The following ANKRD10 variants were observed in gnomAD, a reference collection of about 807,000 sequenced individuals.
ANKRD10 encodes the protein ankyrin repeat domain 10.
In ANKRD10, 14 loss-of-function variants were observed where a neutral mutation model predicts 27.0. That is an observed-to-expected ratio of 0.52 (90% CI 0.34 to 0.81). ANKRD10 has a LOEUF of 0.81. Among genes scored for constraint, ANKRD10 ranks in the 40% least tolerant of loss-of-function variants. The pLI, the probability that ANKRD10 is intolerant of heterozygous loss-of-function variation, is 0.01. For synonymous variants in ANKRD10, 250 were observed against 224.5 expected (o/e 1.11, Z -1.01); for missense variants, 493 against 544.0 (o/e 0.91, Z 0.93).
At chr13:110,895,625 T>C (rs1390821545) in intron 3 of ANKRD10, among the ~76,000 whole-genome samples, 1 of 152,164 alleles carries the variant, frequency 6.6e-6, no homozygotes, top group Non-Finnish European at 1.5e-5. Flanking sequence ...GAGGGAAGTT[T>C]AGATGCTCAA....
At chr13:110,902,403 A>G (rs1482796092) in intron 3 of ANKRD10, among the ~76,000 whole-genome samples, 1 of 152,188 alleles carries the variant, frequency 6.6e-6, no homozygotes, top group Non-Finnish European at 1.5e-5. Flanking sequence ...TTATGATCCA[A>G]ACTAAGACAA....
chr13:110,907,904 T>C (rs1053404492), intron 2 of ANKRD10, among the ~76,000 whole-genome samples: 1 of 151,424 alleles, frequency 6.6e-6, no homozygotes, highest in South Asian at 2.1e-4. Flanking sequence ...TTTAAAGCTA[T>C]CCTTGGAACA....
At chr13:110,910,485 A>C in intron 2 of ANKRD10, 133 bp downstream of exon 2, 1 of 1,188,788 alleles carries the variant, frequency 8.4e-7, no homozygotes, top group Non-Finnish European at 1.2e-6. Flanking sequence ...CTGAAGAAAC[A>C]TAAATTCCAG....
chr13:110,882,408 G>A (rs1247798565), intron 5 of ANKRD10, among the ~76,000 whole-genome samples: 1 of 152,196 alleles, frequency 6.6e-6, no homozygotes, highest in African/African-American at 2.4e-5. Flanking sequence ...TTAACACATT[G>A]CTTACTCAGT....
chr13:110,902,464 T>C (rs1465197120), intron 3 of ANKRD10, among the ~76,000 whole-genome samples: 1 of 152,170 alleles, frequency 6.6e-6, no homozygotes. Context: ...GTATTCTTTG[T>C]GGCATTAGAA....
At chr13:110,885,273 C>CTGGGCATGG (rs2064898461) in intron 4 of ANKRD10, among the ~76,000 whole-genome samples, 1 of 151,798 alleles carries the variant, frequency 6.6e-6, no homozygotes, top group Non-Finnish European at 1.5e-5. Context: ...AAAAAAAGGG[C>CTGGGCATGG]TGGGCATGGT....
Position 110,914,743 on chromosome 13 carries a change from C to T in ANKRD10, c.192G>A (p.Trp64Ter). The T allele has an allele frequency of 6.3e-7, 1 of 1,591,426 alleles. No individual in the cohort carries two copies. Among genetic ancestry groups the T allele is most frequent in the Non-Finnish European group, 8.5e-7 (1 of 1,169,930 alleles). Residue 64 changes from tryptophan to a stop codon, truncating the protein, a stop_gained, in exon 1 of 6, where the codon TGG becomes TGA. Transcript: ENST00000267339. LOFTEE classifies it high-confidence loss of function. ...DSFYGWTPVHWAAHFGKLECL... is the reference protein window; with the variant it reads ...DSFYGWTPVH ...CACCCACCTTGCCGAAATGCGCGGCCCAGTGCACGGGCGTCCAGCCATAGA... is the reference window on the plus strand; with the variant it reads ...CACCCACCTTGCCGAAATGCGCGGCTCAGTGCACGGGCGTCCAGCCATAGA...
intron 5 of ANKRD10, among the ~76,000 whole-genome samples, chr13:110,880,835 A>G (rs1471179903): frequency 6.6e-6 from 1 of 152,244 alleles, no homozygotes; most frequent in Non-Finnish European, 1.5e-5. Context: ...AACGGCCAAC[A>G]GTCCTCAGGC....
intron 4 of ANKRD10, among the ~76,000 whole-genome samples, chr13:110,886,923 G>A (rs1326261568): frequency 6.6e-6 from 1 of 152,192 alleles, no homozygotes. Flanking sequence ...TGTAAAAGCA[G>A]GTGTCAGGTG....
At chr13:110,894,402 G>GAAAAAAAA (rs2065164788) in intron 3 of ANKRD10, 3 of 11,460 alleles carry the variant, frequency 2.6e-4, no homozygotes, top group Non-Finnish European at 5.3e-4. Context: ...TACTGTTAAT[G>GAAAAAAAA]CAAAAAAAAA....
intron 2 of ANKRD10, among the ~76,000 whole-genome samples, chr13:110,906,938 AAC>A (rs2065556195): frequency 6.6e-6 from 1 of 152,178 alleles, no homozygotes. Context: ...GCATGAATGA[AAC>A]AACCTGAAAG....
chr13:110,907,943 G>A (rs981041085), intron 2 of ANKRD10, among the ~76,000 whole-genome samples: 3 of 152,092 alleles, frequency 2.0e-5, no homozygotes, highest in Admixed American at 6.6e-5. Flanking sequence ...CTGTCACGGT[G>A]GGATATTAAC....
intron 1 of ANKRD10, among the ~76,000 whole-genome samples, chr13:110,913,733 T>C (rs1402672980): frequency 2.0e-5 from 3 of 152,172 alleles, no homozygotes; most frequent in East Asian, 1.9e-4. Flanking sequence ...TGCAAAACCA[T>C]TTAACCCCAT....
chr13:110,883,121 G>A (rs1260104139), intron 5 of ANKRD10: 1 of 152,248 alleles, frequency 6.6e-6, no homozygotes, highest in East Asian at 1.9e-4. Flanking sequence ...CATTTTAACA[G>A]ACTCAGAATG....
At chr13:110,892,102 G>A (rs557397901) in intron 4 of ANKRD10, among the ~76,000 whole-genome samples, 1 of 150,554 alleles carries the variant, frequency 6.6e-6, no homozygotes, top group Admixed American at 6.6e-5. Context: ...CTGCTTATTT[G>A]CAAACTCAAA....
At chr13:110,893,745 G>A (rs1238060185) in intron 3 of ANKRD10, among the ~76,000 whole-genome samples, 1 of 152,248 alleles carries the variant, frequency 6.6e-6, no homozygotes, top group Non-Finnish European at 1.5e-5. Context: ...ATGTGACACT[G>A]TAAGTGGAAG....
rs2065125711 is a variant in ANKRD10 at position 110,893,055 on chromosome 13, A to C, written c.664T>G (p.Phe222Val). ...RKRCLEDSEDFGVKKARTEAQ... is the reference protein window; with the variant it reads ...RKRCLEDSEDVGVKKARTEAQ... ...TCAGTTCTAGCTTTCTTTACTCCAA[A>C]GTCTTCTGAGTCTTCCAAGCATCTC... The change falls in exon 4 of 6, where the codon TTT becomes GTT. Residue 222 changes from phenylalanine (F) to valine (V), a missense_variant. Transcript: ENST00000267339. 2 of 1,614,054 alleles carry C rather than the reference A, an allele frequency of 1.2e-6. No individual in the cohort carries two copies. Among genetic ancestry groups the C allele is most frequent in the Non-Finnish European group, 1.7e-6 (2 of 1,180,018 alleles).
chr13:110,888,225 G>C (rs1286821997), intron 4 of ANKRD10, among the ~76,000 whole-genome samples: 1 of 150,146 alleles, frequency 6.7e-6, no homozygotes, highest in Non-Finnish European at 1.5e-5. Context: ...GTGATCAAGT[G>C]TGCCAGTCTT....
chr13:110,894,849 A>G (rs2065186225), intron 3 of ANKRD10: 1 of 152,224 alleles, frequency 6.6e-6, no homozygotes, highest in Non-Finnish European at 1.5e-5. Flanking sequence ...AGGAAGCACC[A>G]AAGTTTGGGC....
Sources: gnomAD v4.1 joint callset for allele counts (sites outside exome capture counted in the v4.1 genomes callset) on GRCh38, gnomAD v4.1.1 for gene constraint, MANE v1.5 for transcripts, NCBI Gene and HGNC (gene_info 2026-07-23, HGNC 2026-07-21) for gene names.